The following SH3PXD2A variants were observed in gnomAD, a reference collection of about 807,000 sequenced individuals.
SH3PXD2A encodes the protein SH3 and PX domain-containing protein 2A.
A neutral mutation model predicts 115.2 loss-of-function variants in SH3PXD2A; 32 were observed. The ratio of observed to expected loss-of-function variants is 0.28; its 90% CI spans 0.21 to 0.37. SH3PXD2A has a LOEUF of 0.37. Among genes scored for constraint, SH3PXD2A ranks in the 10% least tolerant of loss-of-function variants. The probability of loss-of-function intolerance (pLI) is 1.00; values close to 1 mark genes in which losing one functional copy is unlikely to be tolerated. For missense variants in SH3PXD2A, 1,328 were observed against 1,498.7 expected (o/e 0.89, Z 1.88); for synonymous variants, 610 against 629.1 (o/e 0.97, Z 0.45).
At chr10:103,639,273 T>G (rs1257097921) in intron 8 of SH3PXD2A, among the ~76,000 whole-genome samples, 2 of 152,154 alleles carry the variant, frequency 1.3e-5, no homozygotes, top group African/African-American at 4.8e-5. Context: ...ACAGGCTGCA[T>G]GGGCTCACTC....
At chr10:103,836,840 G>A (rs2039547420) in intron 1 of SH3PXD2A, among the ~76,000 whole-genome samples, 1 of 152,170 alleles carries the variant, frequency 6.6e-6, no homozygotes, top group South Asian at 2.1e-4. Context: ...CAACTAGCCC[G>A]ATTTTACAGA....
chr10:103,693,105 C>T (rs901586438), intron 5 of SH3PXD2A, 49 bp from the exon 6 acceptor site: 3 of 1,574,620 alleles, frequency 1.9e-6, no homozygotes, highest in African/African-American at 2.7e-5. Context: ...CGGGCGCGAG[C>T]GCGGGGCTGC....
chr10:103,797,516 G>T, intron 2 of SH3PXD2A, among the ~76,000 whole-genome samples: 1 of 151,980 alleles, frequency 6.6e-6, no homozygotes, highest in Non-Finnish European at 1.5e-5. Context: ...TCACCCCAAA[G>T]GGACAAGGAA....
chr10:103,735,269 G>A lies in SH3PXD2A; in HGVS notation c.306+463C>T, dbSNP rs146546072. ...CCTGCATCTGTAAAGATGTGTACAT[G>A]AACATTTGTAGTTACCAAGATTTAG... On this transcript the variant is annotated intron_variant, in intron 4 of 14. Coordinates refer to ENST00000369774, the MANE Select transcript of SH3PXD2A (RefSeq NM_001394015.1). 3.2e-3 allele frequency among the ~76,000 whole-genome samples: 492 copies of A among 152,346 alleles called. 1 individual carries two copies. The highest frequency in any genetic ancestry group is 0.014 in the Middle Eastern group (4 of 292).
chr10:103,638,234 C>A (rs1243831469), intron 8 of SH3PXD2A, among the ~76,000 whole-genome samples: 1 of 152,230 alleles, frequency 6.6e-6, no homozygotes, highest in Non-Finnish European at 1.5e-5. Flanking sequence ...CAGAACCTCC[C>A]CTGGGCACCT....
intron 8 of SH3PXD2A, among the ~76,000 whole-genome samples, chr10:103,654,544 C>A (rs907276664): frequency 6.6e-6 from 1 of 152,040 alleles, no homozygotes. Flanking sequence ...TGTGTCAGGC[C>A]CTGCATGAAG....
chr10:103,772,950 G>A (rs1263524076), intron 2 of SH3PXD2A, among the ~76,000 whole-genome samples: 1 of 152,178 alleles, frequency 6.6e-6, no homozygotes, highest in Non-Finnish European at 1.5e-5. Context: ...ACAGCCGGGC[G>A]CGGTGGCTCA....
At chr10:103,733,623 C>A (rs554189549) in intron 4 of SH3PXD2A, among the ~76,000 whole-genome samples, 7 of 152,312 alleles carry the variant, frequency 4.6e-5, no homozygotes, top group Non-Finnish European at 1.0e-4. Context: ...TAAAATAAGG[C>A]AGAACATGTG....
intron 3 of SH3PXD2A, among the ~76,000 whole-genome samples, chr10:103,753,669 G>A (rs2038606725): frequency 6.6e-6 from 1 of 152,126 alleles, no homozygotes; most frequent in Non-Finnish European, 1.5e-5. Context: ...CATTAAATGA[G>A]ACAACATAAG....
At chr10:103,705,300 C>T (rs549701642) in intron 5 of SH3PXD2A, among the ~76,000 whole-genome samples, 1 of 150,202 alleles carries the variant, frequency 6.7e-6, no homozygotes, top group African/African-American at 2.4e-5. Flanking sequence ...GAGGGAAGGG[C>T]GGGCGTGGGC....
chr10:103,678,604 A>G lies in SH3PXD2A; in HGVS notation c.428-9952T>C, dbSNP rs75948892. The stretch of plus-strand genomic sequence containing the variant: ...AGGTTGGGACACTTCTCTGGGCCTC[A>G]CTGGTCTTGACCTGGGATGTGAAAG... On this transcript the variant is annotated intron_variant, in intron 6 of 14. Transcript: ENST00000369774. 5.4e-3 allele frequency among the ~76,000 whole-genome samples: 817 copies of G among 152,242 alleles called. 9 individuals are homozygous for G. The highest frequency in any genetic ancestry group is 0.019 in the African/African-American group (772 of 41,538).
At chr10:103,606,273 A>T (rs1272341390) in intron 13 of SH3PXD2A, among the ~76,000 whole-genome samples, 2 of 150,814 alleles carry the variant, frequency 1.3e-5, no homozygotes, top group Non-Finnish European at 3.0e-5. Context: ...GCAGTGGAGT[A>T]ATCAGAGCTC....
rs558538271 is a variant in SH3PXD2A, at chr10:103,607,163, G to A, written c.1309-1246C>T. On this transcript the variant is annotated intron_variant, in intron 13 of 14. Coordinates refer to ENST00000369774, the MANE Select transcript of SH3PXD2A (RefSeq NM_001394015.1). ...TGCCCTGCCGCCCCGTCTGGGATGT[G>A]AGGAGCGCCTCTCCCCGGCCGCGAC... Among the ~76,000 whole-genome samples, 15 of 151,610 alleles carry A rather than the reference G, an allele frequency of 9.9e-5. No individual in the cohort carries two copies. In the East Asian group the frequency reaches 2.7e-3, roughly 28 times the overall value.
Position 103,756,233 on chromosome 10 carries a change from G to A in SH3PXD2A, c.229+10861C>T, listed in dbSNP as rs954503264. ...GATGAATGATACATCAGTTCACACA[G>A]GTGATGCCTAGAGCCAGCTCAGTCC... On this transcript the variant is annotated intron_variant, in intron 3 of 14. Coordinates refer to ENST00000369774, the MANE Select transcript of SH3PXD2A (RefSeq NM_001394015.1). The surrounding 1 kb of genome is among the most constrained non-coding windows in gnomAD (Gnocchi z 4.4). 2.6e-5 allele frequency among the ~76,000 whole-genome samples: 4 copies of A among 152,170 alleles called. No individual in the cohort carries two copies. Among genetic ancestry groups the A allele is most frequent in the African/African-American group, 9.6e-5 (4 of 41,456 alleles).
chr10:103,734,496 C>T (rs1172886674), intron 4 of SH3PXD2A, among the ~76,000 whole-genome samples: 1 of 152,194 alleles, frequency 6.6e-6, no homozygotes, highest in African/African-American at 2.4e-5. Context: ...CGCCTGTAAT[C>T]CCAGCACTTT....
chr10:103,689,340 C>T (rs747038401), intron 6 of SH3PXD2A, among the ~76,000 whole-genome samples: 1 of 152,080 alleles, frequency 6.6e-6, no homozygotes, highest in Non-Finnish European at 1.5e-5. Flanking sequence ...GGTTCTGCAG[C>T]TCGAGTTGGC....
At position 103,595,308 on chromosome 10, in the gene SH3PXD2A, G is replaced by T. The variant is rs1055151843; in HGVS notation, c.*6508C>A. 6.6e-6 allele frequency: 1 copy of T among 152,134 alleles called. No individual in the cohort carries two copies. The highest frequency in any genetic ancestry group is 1.5e-5 in the Non-Finnish European group (1 of 68,024). 9.4% of individuals were successfully genotyped at this position (152,134 alleles called of 1,614,324 possible). On this transcript the variant is annotated 3_prime_UTR_variant, in exon 15 of 15. Transcript: ENST00000369774. Reference sequence around the variant, plus strand: ...AAATCACTAAATTCCCTTTCTACCTGCTCTCTTCTTCCTGAAACACTCAGA... The same window carrying T: ...AAATCACTAAATTCCCTTTCTACCTTCTCTCTTCTTCCTGAAACACTCAGA...
intron 2 of SH3PXD2A, among the ~76,000 whole-genome samples, chr10:103,788,541 C>T (rs2039001794): frequency 6.6e-6 from 1 of 152,148 alleles, no homozygotes; most frequent in Non-Finnish European, 1.5e-5. Flanking sequence ...GCTCCAATAT[C>T]CCAACTACTC....
intron 2 of SH3PXD2A, among the ~76,000 whole-genome samples, chr10:103,777,335 G>C (rs916532638): frequency 2.0e-5 from 3 of 152,252 alleles, no homozygotes; most frequent in Non-Finnish European, 4.4e-5. Context: ...GGAGGCGGCA[G>C]GGAGACTGAG....
Sources: gnomAD v4.1 joint callset for allele counts (sites outside exome capture counted in the v4.1 genomes callset) on GRCh38, gnomAD v4.1.1 for gene constraint, Gnocchi (gnomAD v3.1) non-coding constraint, MANE v1.5 for transcripts, NCBI Gene and HGNC (gene_info 2026-07-23, HGNC 2026-07-21) for gene names.